The following HS6ST3 variants were observed in gnomAD, a reference collection of about 807,000 sequenced individuals.
The protein encoded by HS6ST3 is heparan-sulfate 6-O-sulfotransferase 3.
In HS6ST3, 12 loss-of-function variants were observed where a neutral mutation model predicts 36.7. The ratio of observed to expected loss-of-function variants is 0.33; its 90% CI spans 0.21 to 0.53. The LOEUF (loss-of-function observed/expected upper bound fraction) is 0.53. Among genes scored for constraint, HS6ST3 ranks in the 20% least tolerant of loss-of-function variants. The pLI, the probability that HS6ST3 is intolerant of heterozygous loss-of-function variation, is 0.95. For missense variants in HS6ST3, 584 were observed against 640.9 expected, an observed-to-expected ratio of 0.91 and a Z score of 0.96; for synonymous variants, 240 against 257.5, an observed-to-expected ratio of 0.93 and a Z score of 0.65.
intron 1 of HS6ST3, among the ~76,000 whole-genome samples, chr13:96,649,218 C>T (rs1451871021): frequency 1.3e-5 from 2 of 151,982 alleles, no homozygotes; most frequent in Admixed American, 1.3e-4. Context: ...CACAGTTCAC[C>T]ATGGCTTAGG....
intron 1 of HS6ST3, among the ~76,000 whole-genome samples, chr13:96,732,188 C>A (rs1374550180): frequency 6.6e-6 from 1 of 152,208 alleles, no homozygotes; most frequent in East Asian, 1.9e-4. Context: ...TACCTTTTGG[C>A]CATTTGTATG....
intron 1 of HS6ST3, among the ~76,000 whole-genome samples, chr13:96,503,993 C>T (rs2056016015): frequency 6.6e-6 from 1 of 152,126 alleles, no homozygotes; most frequent in African/African-American, 2.4e-5. Flanking sequence ...AGCAAGCTCT[C>T]TCCTGTTTCT....
intron 1 of HS6ST3, among the ~76,000 whole-genome samples, chr13:96,092,894 G>A (rs1460346188): frequency 6.6e-6 from 1 of 152,200 alleles, no homozygotes; most frequent in Non-Finnish European, 1.5e-5. Flanking sequence ...GATTTGGAAT[G>A]AGGGAATTAG....
rs182012195 is a variant in HS6ST3, at chr13:96,330,284, T to C, written c.707+238715T>C. Among the ~76,000 whole-genome samples, 3 of 152,118 alleles carry C rather than the reference T, an allele frequency of 2.0e-5. No homozygotes were observed. The East Asian group carries it at 5.8e-4, about 30-fold the overall frequency. ...TGCAGTTTCTTCCTAGTCTTGATGG[T>C]CTTTACATTTTGGCATGAGTTTGCA... On this transcript the variant is annotated intron_variant, in intron 1 of 1. Transcript: ENST00000376705.
chr13:96,556,410 T>A (rs1012750497), intron 1 of HS6ST3, among the ~76,000 whole-genome samples: 4 of 152,204 alleles, frequency 2.6e-5, no homozygotes, highest in African/African-American at 7.2e-5. Context: ...ATTATAGTCC[T>A]TATATTTCTA....
chr13:96,505,026 A>AT (rs1208963960), intron 1 of HS6ST3, among the ~76,000 whole-genome samples: 2 of 152,150 alleles, frequency 1.3e-5, no homozygotes, highest in African/African-American at 2.4e-5. Flanking sequence ...TCAAGTGCTG[A>AT]TTTTTGTGGC....
At chr13:96,345,223 G>T (rs2055147748) in intron 1 of HS6ST3, among the ~76,000 whole-genome samples, 1 of 152,136 alleles carries the variant, frequency 6.6e-6, no homozygotes, top group African/African-American at 2.4e-5. Context: ...TTTTTCATAA[G>T]GCTATCATCA....
At chr13:96,787,706 G>GTA (rs2138518138) in intron 1 of HS6ST3, among the ~76,000 whole-genome samples, 2 of 152,068 alleles carry the variant, frequency 1.3e-5, no homozygotes, top group South Asian at 4.2e-4. Context: ...CTCCCAGACT[G>GTA]TAGCTTGTCA....
chr13:96,476,354 T>C (rs1449924625), intron 1 of HS6ST3, among the ~76,000 whole-genome samples: 2 of 152,040 alleles, frequency 1.3e-5, no homozygotes, highest in Non-Finnish European at 2.9e-5. Flanking sequence ...TGAGACAGTT[T>C]TCTTTTTCTT....
chr13:96,312,881 G>T (rs1414160636), intron 1 of HS6ST3, among the ~76,000 whole-genome samples: 2 of 150,644 alleles, frequency 1.3e-5, no homozygotes, highest in Non-Finnish European at 3.0e-5. Context: ...GAACTTGGGG[G>T]GCGGAGGTTG....
Position 96,834,789 on chromosome 13 carries a change from T to C in HS6ST3, c.*1591T>C, listed in dbSNP as rs1161451961. 1.3e-5 allele frequency: 2 copies of C among 152,582 alleles called. No individual in the cohort carries two copies. Among genetic ancestry groups the C allele is most frequent in the African/African-American group, 4.8e-5 (2 of 41,442 alleles). The allele number at this position is 152,582 out of a possible 1,614,324, so 9.5% of individuals were successfully genotyped here. A position where few individuals can be genotyped will look rare whatever the true frequency, so the allele number is the denominator to read the frequency against. Reference sequence around the variant, plus strand: ...CTCCAGAATACTCTCTCTGGGGTTGTGAGTCAGTCAGCCCACAAGCATTCA... The same window carrying C: ...CTCCAGAATACTCTCTCTGGGGTTGCGAGTCAGTCAGCCCACAAGCATTCA... On this transcript the variant is annotated 3_prime_UTR_variant, in exon 2 of 2. Transcript: ENST00000376705.
chr13:96,633,374 G>C (rs2056538456), intron 1 of HS6ST3, among the ~76,000 whole-genome samples: 1 of 152,168 alleles, frequency 6.6e-6, no homozygotes, highest in Non-Finnish European at 1.5e-5. Flanking sequence ...TGGGGACTGA[G>C]ATATTTCTTG....
Position 96,114,947 on chromosome 13 carries a change from T to C in HS6ST3, c.707+23378T>C, listed in dbSNP as rs76907343. 8.1e-3 allele frequency among the ~76,000 whole-genome samples: 1,238 copies of C among 152,350 alleles called. 8 individuals carry two copies. The highest frequency in any genetic ancestry group is 0.014 in the Non-Finnish European group (921 of 68,028). The stretch of plus-strand genomic sequence containing the variant: ...TCATGGTAGGCAATCAGTTTTTGAC[T>C]GAATTTCTAGAGGTGTGACTTTTTG... On this transcript the variant is annotated intron_variant, in intron 1 of 1. Coordinates refer to ENST00000376705, the MANE Select transcript of HS6ST3 (RefSeq NM_153456.4).
chr13:96,333,028 C>G lies in HS6ST3; in HGVS notation c.707+241459C>G, dbSNP rs73550616. Among the ~76,000 whole-genome samples, 1,268 of 152,326 alleles carry G rather than the reference C, an allele frequency of 8.3e-3. 18 individuals are homozygous for G. Among genetic ancestry groups the G allele is most frequent in the African/African-American group, 0.029 (1,196 of 41,574 alleles). ...CCTTAGACACCAAATTTACTGGCACCTTGCTCTTGGACTTCTCAGCCTCTA... is the reference window on the plus strand; with the variant it reads ...CCTTAGACACCAAATTTACTGGCACGTTGCTCTTGGACTTCTCAGCCTCTA... On this transcript the variant is annotated intron_variant, in intron 1 of 1. Coordinates refer to ENST00000376705, the MANE Select transcript of HS6ST3 (RefSeq NM_153456.4).
rs993899736 is a variant in HS6ST3 at position 96,478,468 on chromosome 13, G to A, written c.708-354022G>A. Among the ~76,000 whole-genome samples, 15 of 152,106 alleles carry A rather than the reference G, an allele frequency of 9.9e-5. 1 individual carries two copies. The highest frequency in any genetic ancestry group is 7.2e-5 in the African/African-American group (3 of 41,412). On this transcript the variant is annotated intron_variant, in intron 1 of 1. Coordinates refer to ENST00000376705, the MANE Select transcript of HS6ST3 (RefSeq NM_153456.4). ...TGAGGATGACAGAAGCAGCTGGCAGGGGGGTTAAGTAAGAGTCCATTATCC... is the reference window on the plus strand; with the variant it reads ...TGAGGATGACAGAAGCAGCTGGCAGAGGGGTTAAGTAAGAGTCCATTATCC...
intron 1 of HS6ST3, among the ~76,000 whole-genome samples, chr13:96,632,431 A>T (rs2139001588): frequency 6.6e-6 from 1 of 152,202 alleles, no homozygotes; most frequent in African/African-American, 2.4e-5. Context: ...TTAATTCAAG[A>T]ATATCAACTC....
chr13:96,624,366 C>T (rs1197230131), intron 1 of HS6ST3, among the ~76,000 whole-genome samples: 1 of 151,886 alleles, frequency 6.6e-6, no homozygotes, highest in African/African-American at 2.4e-5. Context: ...TAACCATAAA[C>T]CATATATTTT....
At chr13:96,168,953 G>C (rs2047656350) in intron 1 of HS6ST3, among the ~76,000 whole-genome samples, 1 of 151,982 alleles carries the variant, frequency 6.6e-6, no homozygotes, top group Admixed American at 6.6e-5. Context: ...TTCCTAGTTA[G>C]AAGATTGTTA....
intron 1 of HS6ST3, among the ~76,000 whole-genome samples, chr13:96,594,903 A>G (rs1049116146): frequency 6.6e-6 from 1 of 151,992 alleles, no homozygotes; most frequent in Non-Finnish European, 1.5e-5. Context: ...TAAGATGTTT[A>G]TGGTACTGAT....
Sources: gnomAD v4.1 joint callset for allele counts (sites outside exome capture counted in the v4.1 genomes callset) on GRCh38, gnomAD v4.1.1 for gene constraint, MANE v1.5 for transcripts, NCBI Gene and HGNC (gene_info 2026-07-23, HGNC 2026-07-21) for gene names.